CTNNA2: variants seen among roughly 807,000 people sequenced by gnomAD.
CTNNA2 encodes catenin alpha-2.
CTNNA2 carries 42 observed loss-of-function variants against 101.0 expected under a neutral mutation model. The ratio of observed to expected loss-of-function variants is 0.42; its 90% confidence interval spans 0.32 to 0.54. The LOEUF (loss-of-function observed/expected upper bound fraction) is 0.54. CTNNA2 is among the 20% of genes least tolerant of loss of function. The pLI, the probability that CTNNA2 is intolerant of heterozygous loss-of-function variation, is 0.14. For synonymous variants in CTNNA2, 450 were observed against 456.4 expected, an observed-to-expected ratio of 0.99 and a Z score of 0.18; for missense variants, 871 against 1,223.1, an observed-to-expected ratio of 0.71 and a Z score of 4.29.
At chr2:79,355,927 C>G (rs1419827898) in intron 3 of CTNNA2, among the ~76,000 whole-genome samples, 1 of 151,918 alleles carries the variant, frequency 6.6e-6, no homozygotes, top group East Asian at 1.9e-4. Context: ...CATTTGAATA[C>G]TTTTTTTCTA....
At chr2:79,559,058 G>T (rs1303844119) in intron 1 of CTNNA2, among the ~76,000 whole-genome samples, 1 of 151,684 alleles carries the variant, frequency 6.6e-6, no homozygotes, top group Non-Finnish European at 1.5e-5. Context: ...ATTATTGTAG[G>T]TGCTTAAAAA....
At chr2:79,618,767 G>A (rs1368259914) in intron 1 of CTNNA2, among the ~76,000 whole-genome samples, 1 of 152,222 alleles carries the variant, frequency 6.6e-6, no homozygotes, top group African/African-American at 2.4e-5. Flanking sequence ...AAATTAAGTT[G>A]TTGAGAGAAA....
At chr2:79,598,789 G>A (rs1677361966) in intron 1 of CTNNA2, among the ~76,000 whole-genome samples, 1 of 151,942 alleles carries the variant, frequency 6.6e-6, no homozygotes, top group Non-Finnish European at 1.5e-5. Context: ...ATCTTTTTTG[G>A]AGCAGACATT....
At chr2:79,916,995 AG>A (rs1686283520) in intron 7 of CTNNA2, among the ~76,000 whole-genome samples, 1 of 151,924 alleles carries the variant, frequency 6.6e-6, no homozygotes, top group African/African-American at 2.4e-5. Context: ...TGCCCAGGCT[AG>A]AGAGCAGTGG....
At chr2:79,855,217 T>C (rs138489215) in intron 3 of CTNNA2, among the ~76,000 whole-genome samples, 1 of 151,890 alleles carries the variant, frequency 6.6e-6, no homozygotes, top group African/African-American at 2.4e-5. Flanking sequence ...TCTCTTTCTT[T>C]CTCTCTCTCT....
chr2:79,744,686 G>GT, intron 3 of CTNNA2, 104 bp downstream of exon 3: 3 of 1,125,488 alleles, frequency 2.7e-6, no homozygotes, highest in East Asian at 2.6e-5. Context: ...GAAGTCTTAC[G>GT]TTTTTTTCCT....
upstream of CTNNA2, among the ~76,000 whole-genome samples, chr2:79,512,793 G>T (rs1671589781): frequency 6.6e-6 from 1 of 151,208 alleles, no homozygotes; most frequent in African/African-American, 2.4e-5. Flanking sequence ...CCTTTCGGGC[G>T]CTCCCCAGGC....
At chr2:80,277,526 G>A (rs1465408622) in intron 7 of CTNNA2, among the ~76,000 whole-genome samples, 1 of 135,550 alleles carries the variant, frequency 7.4e-6, no homozygotes, top group Non-Finnish European at 1.5e-5. Flanking sequence ...GCTCAGTGGG[G>A]AAGGAGAGAC....
chr2:80,173,290 A>G (rs1338911833), intron 7 of CTNNA2, among the ~76,000 whole-genome samples: 1 of 152,216 alleles, frequency 6.6e-6, no homozygotes, highest in Non-Finnish European at 1.5e-5. Flanking sequence ...GATGAGTGAA[A>G]AAAGTGGGAC....
At chr2:79,756,844 G>A (rs1025333719) in intron 3 of CTNNA2, among the ~76,000 whole-genome samples, 2 of 152,158 alleles carry the variant, frequency 1.3e-5, no homozygotes, top group Admixed American at 6.5e-5. Context: ...TGTGATTGGG[G>A]AAATGCAAAT....
chr2:80,073,730 T>TGACA (rs71386612), intron 7 of CTNNA2, among the ~76,000 whole-genome samples: 31 of 130,502 alleles, frequency 2.4e-4, no homozygotes, highest in Admixed American at 2.0e-3. Flanking sequence ...TCTCTCTCTG[T>TGACA]CACACACACA....
chr2:80,077,707 T>C (rs1028477833), intron 7 of CTNNA2, among the ~76,000 whole-genome samples: 12 of 152,268 alleles, frequency 7.9e-5, no homozygotes, highest in African/African-American at 2.6e-4. Flanking sequence ...GAATATATAC[T>C]GTATTATTTT....
At chr2:79,980,985 G>C (rs1370769269) in intron 7 of CTNNA2, among the ~76,000 whole-genome samples, 1 of 151,658 alleles carries the variant, frequency 6.6e-6, no homozygotes, top group Non-Finnish European at 1.5e-5. Context: ...GGGCTCACTT[G>C]TTTTCACTAG....
intron 4 of CTNNA2, among the ~76,000 whole-genome samples, chr2:79,380,501 A>G (rs1678027183): frequency 6.6e-6 from 1 of 152,208 alleles, no homozygotes; most frequent in African/African-American, 2.4e-5. Flanking sequence ...AGCACAGAAC[A>G]TATGATAAGC....
chr2:80,122,829 A>G (rs1162783588), intron 7 of CTNNA2, among the ~76,000 whole-genome samples: 2 of 152,108 alleles, frequency 1.3e-5, no homozygotes, highest in Non-Finnish European at 1.5e-5. Context: ...GAGTGAAGAC[A>G]TATGCTGTGA....
intron 3 of CTNNA2, among the ~76,000 whole-genome samples, chr2:79,837,887 A>G (rs1452277561): frequency 6.6e-6 from 1 of 152,188 alleles, no homozygotes; most frequent in Admixed American, 6.5e-5. Flanking sequence ...GTAATTTCCA[A>G]ACATGGCTTA....
chr2:79,546,252 T>C (rs1307875618), intron 1 of CTNNA2, among the ~76,000 whole-genome samples: 2 of 152,120 alleles, frequency 1.3e-5, no homozygotes, highest in Non-Finnish European at 2.9e-5. Flanking sequence ...CATCCAGTGT[T>C]TTTTCTAGGT....
chr2:79,571,994 C>G (rs949688885), intron 1 of CTNNA2, among the ~76,000 whole-genome samples: 7 of 152,070 alleles, frequency 4.6e-5, no homozygotes, highest in Admixed American at 3.3e-4. Flanking sequence ...CCCAGCGTGC[C>G]CATTTTCGGC....
chr2:79,419,116 G>C (rs10193493), intron 4 of CTNNA2, among the ~76,000 whole-genome samples: 103,385 of 151,930 alleles, frequency 0.68, 35,574 homozygotes, highest in African/African-American at 0.79. Flanking sequence ...GAATTAATGT[G>C]TAGACCCAGA....
Sources: gnomAD v4.1 joint callset for allele counts (sites outside exome capture counted in the v4.1 genomes callset) on GRCh38, gnomAD v4.1.1 for gene constraint, MANE v1.5 for transcripts, NCBI Gene and HGNC (gene_info 2026-07-23, HGNC 2026-07-21) for gene names.